Variants in CD4 observed in about 807,000 individuals in gnomAD.
CD4 encodes the protein CD4 molecule, also known as T-cell surface glycoprotein CD4.
A neutral mutation model predicts 50.5 loss-of-function variants in CD4; 25 were observed. The ratio of observed to expected loss-of-function variants is 0.49; its 90% confidence interval spans 0.36 to 0.69. CD4 has a LOEUF of 0.69. CD4 is among the 30% of genes least tolerant of loss of function. The probability of loss-of-function intolerance (pLI) is 0.00; values close to 1 mark genes in which losing one functional copy is unlikely to be tolerated. For missense variants in CD4, 456 were observed against 548.5 expected (o/e 0.83, Z 1.68); for synonymous variants, 207 against 221.9 (o/e 0.93, Z 0.60).
At chr12:6,794,176 G>A (rs1195888205) in intron 1 of CD4, among the ~76,000 whole-genome samples, 14 of 150,592 alleles carry the variant, frequency 9.3e-5, no homozygotes, top group African/African-American at 2.7e-4. Flanking sequence ...GGGTTCAAGC[G>A]ATTCTCCTAC....
rs1174622011 is a variant in CD4 at position 6,818,727 on chromosome 12, A to C, written c.1279-120A>C. On this transcript the variant is annotated intron_variant, in intron 8 of 9. Transcript: ENST00000011653. This position sits in a 1 kb window ranked among gnomAD's most constrained non-coding sequence, Gnocchi z 5.0. The stretch of plus-strand genomic sequence containing the variant: ...AGGAGCAGAGAGTTAATTCCAGGAT[A>C]GATGGCCTGGGCCATGTAACTGCTT... The C allele has an allele frequency of 8.4e-7, 1 of 1,186,580 alleles. No individual in the cohort carries two copies. Among genetic ancestry groups the C allele is most frequent in the African/African-American group, 1.5e-5 (1 of 66,496 alleles). 73.5% of individuals were successfully genotyped at this position (1,186,580 alleles called of 1,614,324 possible). A position where few individuals can be genotyped will look rare whatever the true frequency, so the allele number is the denominator to read the frequency against.
intron 1 of CD4, among the ~76,000 whole-genome samples, chr12:6,793,362 C>T (rs1359550172): frequency 6.6e-6 from 1 of 152,160 alleles, no homozygotes; most frequent in Admixed American, 6.5e-5. Context: ...ATTTGGACCC[C>T]AGAGAAGGGA....
In CD4 at chr12:6,802,218, T is replaced by C. The variant is rs189459019; in HGVS notation, c.214+1747T>C. Among the ~76,000 whole-genome samples the C allele has an allele frequency of 1.6e-4, 25 of 152,188 alleles. No individual in the cohort carries two copies. In the East Asian group the frequency reaches 4.8e-3, roughly 29 times the overall value. On this transcript the variant is annotated intron_variant, in intron 3 of 9. Coordinates refer to ENST00000011653, the MANE Select transcript of CD4 (RefSeq NM_000616.5). ...CTATTATATGCTCATTACAAAATATTTGGTCAATGAAGAAAAGAATATGGA... is the reference window on the plus strand; with the variant it reads ...CTATTATATGCTCATTACAAAATATCTGGTCAATGAAGAAAAGAATATGGA...
At chr12:6,794,305 G>A (rs1942295720) in intron 1 of CD4, among the ~76,000 whole-genome samples, 1 of 151,480 alleles carries the variant, frequency 6.6e-6, no homozygotes, top group South Asian at 2.1e-4. Context: ...GACCTAAAGT[G>A]ATCCACCCAC....
Position 6,818,785 on chromosome 12 carries a change from A to C in CD4, c.1279-62A>C. The C allele has an allele frequency of 6.8e-7, 1 of 1,465,526 alleles. No individual in the cohort carries two copies. Among genetic ancestry groups the C allele is most frequent in the African/African-American group, 1.4e-5 (1 of 71,942 alleles). 90.8% of individuals were successfully genotyped at this position (1,465,526 alleles called of 1,614,324 possible). ...CGCAGCTTCCCCCACTCCCCCCACC[A>C]AGGGGCACCTCCCTTCTGGAGGCCT... On this transcript the variant is annotated intron_variant, in intron 8 of 9. Coordinates refer to ENST00000011653, the MANE Select transcript of CD4 (RefSeq NM_000616.5). The surrounding 1 kb of genome is among the most constrained non-coding windows in gnomAD (Gnocchi z 5.0).
In CD4 at chr12:6,818,308, C is replaced by A; in HGVS notation, c.1157-113C>A. On this transcript the variant is annotated intron_variant, in intron 7 of 9. Transcript: ENST00000011653. The surrounding 1 kb of genome is among the most constrained non-coding windows in gnomAD (Gnocchi z 5.0). ...GAGCCCCCAGGCACCCCTCCCCTCT[C>A]CCCCAACCCCAGGGTCAAACCAGAG... 7.2e-6 allele frequency: 10 copies of A among 1,387,068 alleles called. No individual in the cohort carries two copies. The highest frequency in any genetic ancestry group is 1.4e-5 in the African/African-American group (1 of 69,856). 85.9% of individuals were successfully genotyped at this position (1,387,068 alleles called of 1,614,324 possible).
In CD4 at chr12:6,819,596, CT is replaced by C; in HGVS notation, c.*268del. 1.9e-6 allele frequency: 1 copy of C among 521,008 alleles called. No homozygotes were observed. The highest frequency in any genetic ancestry group is 3.5e-6 in the Non-Finnish European group (1 of 287,992). 32.3% of individuals were successfully genotyped at this position (521,008 alleles called of 1,614,324 possible). On this transcript the variant is annotated 3_prime_UTR_variant, in exon 10 of 10. Coordinates refer to ENST00000011653, the MANE Select transcript of CD4 (RefSeq NM_000616.5). Reference sequence around the variant, plus strand: ...CTTCTCTCATTATTTCTCTCTGACCCTCTCCCCACTGCTCATTTGGATCCCA... The same window carrying C: ...CTTCTCTCATTATTTCTCTCTGACCCCTCCCCACTGCTCATTTGGATCCCA...
chr12:6,814,686 G>C (rs926044353), intron 4 of CD4, 73 bp from the exon 5 acceptor site: 104 of 1,099,244 alleles, frequency 9.5e-5, no homozygotes, highest in Non-Finnish European at 6.6e-5. Flanking sequence ...GAGAGATGTT[G>C]TTGGTTTCCT....
At position 6,818,758 on chromosome 12, in the gene CD4, G is replaced by T; in HGVS notation, c.1279-89G>T. ...CCTGGGCCATGTAACTGCTTCTCCT[G>T]TCGCAGCTTCCCCCACTCCCCCCAC... On this transcript the variant is annotated intron_variant, in intron 8 of 9. Coordinates refer to ENST00000011653, the MANE Select transcript of CD4 (RefSeq NM_000616.5). The surrounding 1 kb of genome is among the most constrained non-coding windows in gnomAD (Gnocchi z 5.0). 7.7e-7 allele frequency: 1 copy of T among 1,293,968 alleles called. No individual in the cohort carries two copies. The highest frequency in any genetic ancestry group is 1.1e-6 in the Non-Finnish European group (1 of 889,562). 80.2% of individuals were successfully genotyped at this position (1,293,968 alleles called of 1,614,324 possible). A position where few individuals can be genotyped will look rare whatever the true frequency, so the allele number is the denominator to read the frequency against.
chr12:6,818,843 A>G lies in CD4; in HGVS notation c.1279-4A>G, dbSNP rs28919573. 13 of 1,612,710 alleles carry G rather than the reference A, an allele frequency of 8.1e-6. No individual in the cohort carries two copies. Among genetic ancestry groups the G allele is most frequent in the African/African-American group, 8.0e-5 (6 of 74,910 alleles). ...TCGTGACTCCCTTTCTTGTCCCTGG[A>G]CAGCGCCAAGCAGAGCGGATGTCTC... On this transcript the variant is annotated splice_region_variant and splice_polypyrimidine_tract_variant and intron_variant, in intron 8 of 9. Coordinates refer to ENST00000011653, the MANE Select transcript of CD4 (RefSeq NM_000616.5). The surrounding 1 kb of genome is among the most constrained non-coding windows in gnomAD (Gnocchi z 5.0).
intron 3 of CD4, among the ~76,000 whole-genome samples, chr12:6,802,296 A>G (rs1200882792): frequency 6.6e-6 from 1 of 150,684 alleles, no homozygotes; most frequent in Non-Finnish European, 1.5e-5. Context: ...CTCTGCTAAC[A>G]TTTTGATTGA....
intron 1 of CD4, among the ~76,000 whole-genome samples, chr12:6,798,398 T>C (rs1228358285): frequency 7.3e-6 from 1 of 137,726 alleles, no homozygotes; most frequent in Non-Finnish European, 1.6e-5. Context: ...GGTCTCGATC[T>C]CCTGACCTCA....
At chr12:6,812,966 G>GATCATA (rs1555117244) in intron 3 of CD4, among the ~76,000 whole-genome samples, 2 of 151,838 alleles carry the variant, frequency 1.3e-5, no homozygotes, top group Non-Finnish European at 2.9e-5. Context: ...GGAGTGCAGT[G>GATCATA]GCATGATCAT....
intron 3 of CD4, among the ~76,000 whole-genome samples, chr12:6,802,980 G>A (rs897014422): frequency 3.3e-5 from 5 of 151,946 alleles, no homozygotes; most frequent in African/African-American, 7.3e-5. Context: ...TGATCAGCCC[G>A]GCTTGGCCTC....
intron 3 of CD4, among the ~76,000 whole-genome samples, chr12:6,812,365 T>G (rs1302759017): frequency 2.6e-5 from 4 of 151,734 alleles, no homozygotes; most frequent in African/African-American, 9.7e-5. Context: ...AACACTCGAC[T>G]CCATAAAAAC....
At chr12:6,812,962 C>CCCTGATCATGATCAT (rs1555117241) in intron 3 of CD4, among the ~76,000 whole-genome samples, 2 of 151,846 alleles carry the variant, frequency 1.3e-5, no homozygotes, top group Non-Finnish European at 2.9e-5. Context: ...GGGTGGAGTG[C>CCCTGATCATGATCAT]AGTGGCATGA....
At chr12:6,805,195 A>G (rs1942695910) in intron 3 of CD4, among the ~76,000 whole-genome samples, 1 of 139,520 alleles carries the variant, frequency 7.2e-6, no homozygotes, top group Non-Finnish European at 1.5e-5. Context: ...AAAAAAAAAA[A>G]AAAAAAAAAA....
intron 1 of CD4, among the ~76,000 whole-genome samples, chr12:6,790,593 C>A (rs1164205314): frequency 6.6e-6 from 1 of 152,198 alleles, no homozygotes. Flanking sequence ...ATGTGCAGCC[C>A]CTCCTGGGCC....
rs782190107 is a variant in CD4 at position 6,814,998 on chromosome 12, G to A, written c.607+6G>A. 1 of 1,597,974 alleles carries A rather than the reference G, an allele frequency of 6.3e-7. No individual in the cohort carries two copies. Among genetic ancestry groups the A allele is most frequent in the Non-Finnish European group, 8.6e-7 (1 of 1,166,730 alleles). On this transcript the variant is annotated splice_donor_region_variant and intron_variant, in intron 5 of 9. Transcript: ENST00000011653. The stretch of plus-strand genomic sequence containing the variant: ...AATAGACATCGTGGTGCTAGGTAAG[G>A]GAAGCCCCTCTTCGCGCAGTCTCCT...
Sources: gnomAD v4.1 joint callset for allele counts (sites outside exome capture counted in the v4.1 genomes callset) on GRCh38, gnomAD v4.1.1 for gene constraint, Gnocchi (gnomAD v3.1) non-coding constraint, MANE v1.5 for transcripts, NCBI Gene and HGNC (gene_info 2026-07-23, HGNC 2026-07-21) for gene names.